KIDINS220: variants seen among roughly 807,000 people sequenced by gnomAD.
The protein encoded by KIDINS220 is kinase D interacting substrate 220.
In KIDINS220, 63 loss-of-function variants were observed where a neutral mutation model predicts 157.6. The observed-to-expected ratio is 0.40, with a 90% confidence interval of 0.33 to 0.49. The LOEUF is 0.49. Ranked by LOEUF, KIDINS220 falls within the 20% of genes least tolerant of loss-of-function variation. The probability of loss-of-function intolerance (pLI) is 0.66; values close to 1 mark genes in which losing one functional copy is unlikely to be tolerated. For missense variants in KIDINS220, 1,772 were observed against 2,171.2 expected (o/e 0.82, Z 3.65); for synonymous variants, 732 against 783.6 (o/e 0.93, Z 1.10).
chr2:8,726,751 A>G (rs746586567), downstream of KIDINS220: 2 of 406,120 alleles, frequency 4.9e-6, no homozygotes, highest in Admixed American at 3.0e-5. Context: ...GCATGTCTAA[A>G]CATAGAAAAA....
At chr2:8,777,272 G>A (rs1558399382) in intron 20 of KIDINS220, among the ~76,000 whole-genome samples, 1 of 152,112 alleles carries the variant, frequency 6.6e-6, no homozygotes, top group Non-Finnish European at 1.5e-5. Context: ...GCCCTTGTCT[G>A]GTTTTAAGGA....
At chr2:8,747,345 T>C (rs1666726273) in intron 25 of KIDINS220, 144 bp from the exon 26 acceptor site, 1 of 678,992 alleles carries the variant, frequency 1.5e-6, no homozygotes, top group Admixed American at 2.5e-5. Flanking sequence ...TAAAAACATA[T>C]TAATAGAGAG....
Position 8,750,283 on chromosome 2 carries a change from C to G in KIDINS220, c.3243G>C (p.Pro1081=). The G allele has an allele frequency of 6.2e-7, 1 of 1,612,942 alleles. No homozygotes were observed. Among genetic ancestry groups the G allele is most frequent in the Non-Finnish European group, 8.5e-7 (1 of 1,179,458 alleles). The change falls in exon 24 of 30, where the codon CCG becomes CCC. Residue 1081 remains proline, a synonymous_variant. Transcript: ENST00000256707. ...TAGGAGGACCCTCATGTAGAGGGAG[C>G]GGGGGGTACGCCAGTCCTCCAATAC... ...QISIGGLAYP[P]LPLHEGPPRA...
rs1279525867 is a variant in KIDINS220 at position 8,729,269 on chromosome 2, T to C, written c.*1451A>G. 4 of 985,238 alleles carry C rather than the reference T, an allele frequency of 4.1e-6. No individual in the cohort carries two copies. The highest frequency in any genetic ancestry group is 3.6e-6 in the Non-Finnish European group (3 of 829,880). 61.0% of individuals were successfully genotyped at this position (985,238 alleles called of 1,614,324 possible). On this transcript the variant is annotated 3_prime_UTR_variant, in exon 30 of 30. Coordinates refer to ENST00000256707, the MANE Select transcript of KIDINS220 (RefSeq NM_020738.4). Reference sequence around the variant, plus strand: ...AATGAAACACAAAAGAGCAACTATTTAGCACAATGACTGGCCCAGTAAATA... The same window carrying C: ...AATGAAACACAAAAGAGCAACTATTCAGCACAATGACTGGCCCAGTAAATA...
Position 8,788,742 on chromosome 2 carries a change from C to G in KIDINS220, c.1692G>C (p.Leu564Phe), listed in dbSNP as rs749891993. 3.2e-5 allele frequency: 51 copies of G among 1,613,962 alleles called. No individual in the cohort carries two copies. The highest frequency in any genetic ancestry group is 1.7e-4 in the African/African-American group (13 of 74,900). ...GTTCCAAATATCCAATATGTCTTGC[C>G]AATCTAGTGCTGAGGACCCAGGCCC... ...WNWAWVLSTR[L>F]ARHIGYLELL... Residue 564 changes from leucine (L) to phenylalanine (F), a missense_variant, in exon 15 of 30, where the codon TTG (leucine) becomes TTC (phenylalanine). Physicochemically the swap from Leu to Phe is conservative, Grantham distance 22. Around this residue, in one of 3 missense-constraint regions of KIDINS220, gnomAD observed 725 missense variants for 1,017.1 expected, o/e 0.71. Coordinates refer to ENST00000256707, the MANE Select transcript of KIDINS220 (RefSeq NM_020738.4).
At chr2:8,757,869 G>A (rs1401014939) in intron 22 of KIDINS220, 8 of 1,281,020 alleles carry the variant, frequency 6.2e-6, no homozygotes, top group Non-Finnish European at 8.8e-6. Flanking sequence ...TTCTTTGTTG[G>A]TTTTGTTTTT....
At chr2:8,812,860 T>C (rs1676514008) in intron 5 of KIDINS220, among the ~76,000 whole-genome samples, 2 of 152,180 alleles carry the variant, frequency 1.3e-5, no homozygotes, top group African/African-American at 4.8e-5. Context: ...ATAAGAGGAA[T>C]GTAAATATAT....
intron 22 of KIDINS220, chr2:8,757,359 C>G: frequency 9.4e-7 from 1 of 1,059,970 alleles, no homozygotes; most frequent in Non-Finnish European, 1.1e-6. Flanking sequence ...AACTAAATAT[C>G]TATTTTTTAT....
At chr2:8,766,994 G>A (rs1669576701) in intron 22 of KIDINS220, among the ~76,000 whole-genome samples, 2 of 152,170 alleles carry the variant, frequency 1.3e-5, no homozygotes, top group Admixed American at 1.3e-4. Context: ...TACAAGGTTT[G>A]CAGGCTCACT....
intron 9 of KIDINS220, 157 bp downstream of exon 9, chr2:8,800,243 T>C: frequency 4.0e-6 from 2 of 503,894 alleles, no homozygotes; most frequent in Non-Finnish European, 6.9e-6. Flanking sequence ...AATTTTACAA[T>C]AATGGCAGTG....
rs190653163 is a variant in KIDINS220, at chr2:8,817,986, C to T, written c.208-270G>A. On this transcript the variant is annotated intron_variant, in intron 3 of 29. Coordinates refer to ENST00000256707, the MANE Select transcript of KIDINS220 (RefSeq NM_020738.4). The stretch of plus-strand genomic sequence containing the variant: ...AATCATATACTGCGCTTTTTAAAAA[C>T]GAGAAAAGATGATCATCAAAACCTC... Among the ~76,000 whole-genome samples, 45 of 152,198 alleles carry T rather than the reference C, an allele frequency of 3.0e-4. No homozygotes were observed. In the East Asian group the frequency reaches 6.6e-3, roughly 22 times the overall value.
intron 8 of KIDINS220, among the ~76,000 whole-genome samples, chr2:8,800,825 T>C (rs1674587750): frequency 6.6e-6 from 1 of 152,220 alleles, no homozygotes. Context: ...ACAATGACGT[T>C]GTGGCTGTCA....
At chr2:8,821,220 T>G (rs1014487013) in intron 2 of KIDINS220, among the ~76,000 whole-genome samples, 8 of 151,798 alleles carry the variant, frequency 5.3e-5, no homozygotes, top group Non-Finnish European at 1.0e-4. Context: ...TGGTATAAAT[T>G]TGATAGCCTA....
At chr2:8,786,068 A>G in intron 16 of KIDINS220, 38 bp from the exon 17 acceptor site, 1 of 1,566,534 alleles carries the variant, frequency 6.4e-7, no homozygotes, top group Non-Finnish European at 8.7e-7. Context: ...TTAACATATC[A>G]AGGATCTAGA....
intron 17 of KIDINS220, among the ~76,000 whole-genome samples, chr2:8,785,218 A>T (rs902162270): frequency 2.0e-5 from 3 of 152,248 alleles, no homozygotes; most frequent in African/African-American, 7.2e-5. Flanking sequence ...TGGCGATAGT[A>T]AAAAGAAATG....
At chr2:8,757,658 C>T (rs79399794) in intron 22 of KIDINS220, 3 of 1,611,762 alleles carry the variant, frequency 1.9e-6, no homozygotes, top group East Asian at 2.2e-5. Context: ...GGAGTCATGG[C>T]CTGTTCCATG....
chr2:8,735,935 C>A (rs1020219040), intron 27 of KIDINS220, among the ~76,000 whole-genome samples: 15 of 152,160 alleles, frequency 9.9e-5, no homozygotes, highest in African/African-American at 3.4e-4. Context: ...GTGTGGGAGA[C>A]CCCGCTCTTT....
chr2:8,828,463 C>T (rs542333872), intron 1 of KIDINS220, among the ~76,000 whole-genome samples: 1 of 152,194 alleles, frequency 6.6e-6, no homozygotes, highest in Admixed American at 6.5e-5. Flanking sequence ...TCTACCATAA[C>T]TATAAGTTCT....
chr2:8,745,160 T>C (rs1424959458), intron 26 of KIDINS220, among the ~76,000 whole-genome samples: 1 of 152,258 alleles, frequency 6.6e-6, no homozygotes, highest in African/African-American at 2.4e-5. Context: ...AGCATGTCTG[T>C]GTCATTAAGG....
Sources: allele counts gnomAD v4.1 joint callset (sites outside exome capture counted in the v4.1 genomes callset), GRCh38; gene constraint gnomAD v4.1.1; regional missense constraint gnomAD v4.1.1; transcripts MANE v1.5; gene names NCBI Gene and HGNC (gene_info 2026-07-23, HGNC 2026-07-21).